SREK1IP1: variants seen among roughly 807,000 people sequenced by gnomAD.
SREK1IP1 encodes the protein protein SREK1IP1.
In SREK1IP1, 12 loss-of-function variants were observed where a neutral mutation model predicts 22.8. The observed-to-expected ratio is 0.53, with a 90% CI of 0.34 to 0.85. The LOEUF (loss-of-function observed/expected upper bound fraction) is 0.85. Ranked by LOEUF, SREK1IP1 falls within the 40% of genes least tolerant of loss-of-function variation. The pLI, the probability that SREK1IP1 is intolerant of heterozygous loss-of-function variation, is 0.02. For synonymous variants in SREK1IP1, 53 were observed against 52.7 expected (o/e 1.01, Z -0.02); for missense variants, 147 against 171.8 (o/e 0.86, Z 0.81).
intron 1 of SREK1IP1, 107 bp downstream of exon 1, chr5:64,768,398 C>T (rs577224424): frequency 6.9e-7 from 1 of 1,443,774 alleles, no homozygotes; most frequent in South Asian, 1.2e-5. Flanking sequence ...TTTAAGGCCT[C>T]CGCCTAAATC....
At chr5:64,724,714 G>T in intron 4 of SREK1IP1, 141 bp from the exon 5 acceptor site, 2 of 646,828 alleles carry the variant, frequency 3.1e-6, no homozygotes, top group Non-Finnish European at 4.9e-6. Flanking sequence ...TCATATATTT[G>T]CATTCCCTTA....
intron 2 of SREK1IP1, among the ~76,000 whole-genome samples, chr5:64,743,624 C>T (rs1021641258): frequency 6.6e-6 from 1 of 152,090 alleles, no homozygotes; most frequent in African/African-American, 2.4e-5. Flanking sequence ...TTGAAATGAG[C>T]AGCTGTAGAC....
Position 64,725,933 on chromosome 5 carries a change from C to T in SREK1IP1, c.279-1360G>A, listed in dbSNP as rs376745816. The stretch of plus-strand genomic sequence containing the variant: ...AGGCTGGAGTGCAATGGCGTGATCT[C>T]GGCTCACTGCAACCTCCGCTCCCCC... On this transcript the variant is annotated intron_variant, in intron 4 of 4. Coordinates refer to ENST00000513458, the MANE Select transcript of SREK1IP1 (RefSeq NM_173829.4). Among the ~76,000 whole-genome samples the T allele has an allele frequency of 4.1e-5, 6 of 145,884 alleles. No homozygotes were observed. The East Asian group carries it at 8.2e-4, about 20-fold the overall frequency.
At position 64,719,564 on chromosome 5, in the gene SREK1IP1, G is replaced by A. The variant is rs1742121572; in HGVS notation, c.*4820C>T. On this transcript the variant is annotated 3_prime_UTR_variant, in exon 5 of 5. Transcript: ENST00000513458. Reference sequence around the variant, plus strand: ...TTAATAATATTACCATATTGTCTCAGGTGAAAATCTAGGTTGAGAAAAATT... The same window carrying A: ...TTAATAATATTACCATATTGTCTCAAGTGAAAATCTAGGTTGAGAAAAATT... 1 of 152,120 alleles carries A rather than the reference G, an allele frequency of 6.6e-6. No homozygotes were observed. 9.4% of individuals were successfully genotyped at this position (152,120 alleles called of 1,614,324 possible). A position where few individuals can be genotyped will look rare whatever the true frequency, so the allele number is the denominator to read the frequency against.
At chr5:64,751,009 G>C (rs546369145) in intron 2 of SREK1IP1, among the ~76,000 whole-genome samples, 1 of 152,080 alleles carries the variant, frequency 6.6e-6, no homozygotes, top group African/African-American at 2.4e-5. Flanking sequence ...AGACTACATT[G>C]GCTTTCTCTA....
At chr5:64,768,237 T>C (rs1743093441) in intron 1 of SREK1IP1, among the ~76,000 whole-genome samples, 1 of 152,104 alleles carries the variant, frequency 6.6e-6, no homozygotes, top group South Asian at 2.1e-4. Context: ...AGTTACAGTC[T>C]CTCCCTCCTC....
chr5:64,757,867 T>C (rs969839792), intron 1 of SREK1IP1, among the ~76,000 whole-genome samples: 1 of 108,526 alleles, frequency 9.2e-6, no homozygotes, highest in Non-Finnish European at 1.8e-5. Flanking sequence ...CTATCTTTTT[T>C]TTTTTTTTTT....
At chr5:64,727,159 A>C (rs1280137967) in intron 4 of SREK1IP1, among the ~76,000 whole-genome samples, 1 of 152,090 alleles carries the variant, frequency 6.6e-6, no homozygotes, top group Non-Finnish European at 1.5e-5. Flanking sequence ...CTCTATAAAA[A>C]CTACAAAGTG....
At chr5:64,754,467 C>A in intron 1 of SREK1IP1, 105 bp from the exon 2 acceptor site, 2 of 1,162,910 alleles carry the variant, frequency 1.7e-6, no homozygotes, top group Admixed American at 4.3e-5. Context: ...TATAGAATTT[C>A]TTTTTTTTTG....
At chr5:64,735,168 T>C (rs1318253116) in intron 3 of SREK1IP1, among the ~76,000 whole-genome samples, 2 of 152,044 alleles carry the variant, frequency 1.3e-5, no homozygotes, top group African/African-American at 4.8e-5. Context: ...CAATGTTTTT[T>C]TTTTAGTCTC....
At chr5:64,766,010 G>A (rs747200614) in intron 1 of SREK1IP1, among the ~76,000 whole-genome samples, 21 of 152,338 alleles carry the variant, frequency 1.4e-4, no homozygotes, top group Admixed American at 4.6e-4. Flanking sequence ...GCAATCTACT[G>A]TGTAGGTTTA....
chr5:64,752,149 T>TTTG (rs1742756311), intron 2 of SREK1IP1, among the ~76,000 whole-genome samples: 2 of 135,074 alleles, frequency 1.5e-5, no homozygotes, highest in Admixed American at 7.4e-5. Context: ...TTTGTGTGTT[T>TTTG]TTTTTTTTTT....
intron 2 of SREK1IP1, among the ~76,000 whole-genome samples, chr5:64,742,590 C>T (rs1247746716): frequency 6.6e-6 from 1 of 152,110 alleles, no homozygotes; most frequent in Non-Finnish European, 1.5e-5. Flanking sequence ...GGGTGAAGTC[C>T]TTTGGGAGTC....
chr5:64,718,321 AAC>A lies in SREK1IP1; in HGVS notation c.*6061_*6062del. On this transcript the variant is annotated 3_prime_UTR_variant, in exon 5 of 5. Coordinates refer to ENST00000513458, the MANE Select transcript of SREK1IP1 (RefSeq NM_173829.4). ...GATAAGCAGTCCTATCTCAGTGAAG[AAC>A]AGTGAGAAGTTTATGTCACATTACC... is the stretch of plus-strand genomic sequence containing the variant. 4.6e-6 allele frequency: 1 copy of A among 217,370 alleles called. No individual in the cohort carries two copies. The highest frequency in any genetic ancestry group is 8.9e-6 in the Non-Finnish European group (1 of 112,494). The allele number at this position is 217,370 out of a possible 1,614,324, so 13.5% of individuals were successfully genotyped here. A position where few individuals can be genotyped will look rare whatever the true frequency, so the allele number is the denominator to read the frequency against.
intron 3 of SREK1IP1, among the ~76,000 whole-genome samples, chr5:64,740,566 C>T (rs1309842535): frequency 6.6e-6 from 1 of 152,184 alleles, no homozygotes; most frequent in East Asian, 1.9e-4. Flanking sequence ...GAACTCTCTG[C>T]TTTGCCTATG....
In SREK1IP1 at chr5:64,758,597, T is replaced by C. The variant is rs563438614; in HGVS notation, c.14-4235A>G. Among the ~76,000 whole-genome samples the C allele has an allele frequency of 2.0e-4, 30 of 152,314 alleles. No homozygotes were observed. In the Middle Eastern group the frequency reaches 0.01, roughly 52 times the overall value. Reference sequence around the variant, plus strand: ...GGGGTCAGCGTTAAATCTGTTTCCATAGAAACTGTAGATGCTAAAAAAATA... The same window carrying C: ...GGGGTCAGCGTTAAATCTGTTTCCACAGAAACTGTAGATGCTAAAAAAATA... On this transcript the variant is annotated intron_variant, in intron 1 of 4. Coordinates refer to ENST00000513458, the MANE Select transcript of SREK1IP1 (RefSeq NM_173829.4).
rs917290449 is a variant in SREK1IP1, at chr5:64,720,099, T to C, written c.*4285A>G. On this transcript the variant is annotated 3_prime_UTR_variant, in exon 5 of 5. Coordinates refer to ENST00000513458, the MANE Select transcript of SREK1IP1 (RefSeq NM_173829.4). ...CAAATTTTAAAAGCAAGGGGCCTTA[T>C]TAAATTACAGCACATTTTGTACACT... 1.3e-5 allele frequency: 2 copies of C among 152,220 alleles called. No homozygotes were observed. Among genetic ancestry groups the C allele is most frequent in the Non-Finnish European group, 2.9e-5 (2 of 68,026 alleles). The allele number at this position is 152,220 out of a possible 1,614,324, so 9.4% of individuals were successfully genotyped here.
intron 1 of SREK1IP1, among the ~76,000 whole-genome samples, chr5:64,766,220 G>A (rs781484574): frequency 6.6e-6 from 1 of 152,122 alleles, no homozygotes; most frequent in Non-Finnish European, 1.5e-5. Context: ...TTAACTATTT[G>A]CATTCCTATG....
rs904697325 is a variant in SREK1IP1, at chr5:64,747,219, A to G, written c.62-6019T>C. 2.6e-5 allele frequency among the ~76,000 whole-genome samples: 4 copies of G among 152,174 alleles called. No individual in the cohort carries two copies. The South Asian group carries it at 8.3e-4, about 32-fold the overall frequency. On this transcript the variant is annotated intron_variant, in intron 2 of 4. Coordinates refer to ENST00000513458, the MANE Select transcript of SREK1IP1 (RefSeq NM_173829.4). ...ATTCAATCACTGACCACTGGTGATT[A>G]AATTCAATCTCTAGCTCCTCATCCT...
Sources: allele counts gnomAD v4.1 joint callset (sites outside exome capture counted in the v4.1 genomes callset), GRCh38; gene constraint gnomAD v4.1.1; transcripts MANE v1.5; gene names NCBI Gene and HGNC (gene_info 2026-07-23, HGNC 2026-07-21).